Variants in JARID2 observed in about 807,000 individuals in gnomAD.
The protein encoded by JARID2 is protein Jumonji.
In JARID2, 21 loss-of-function variants were observed where a neutral mutation model predicts 125.6. The ratio of observed to expected loss-of-function variants is 0.17; its 90% CI spans 0.12 to 0.24. The LOEUF is 0.24. Among genes scored for constraint, JARID2 ranks in the 10% least tolerant of loss-of-function variants. The pLI, the probability that JARID2 is intolerant of heterozygous loss-of-function variation, is 1.00. For synonymous variants in JARID2, 736 were observed against 661.6 expected, an observed-to-expected ratio of 1.11 and a Z score of -1.73; for missense variants, 1,303 against 1,639.6, an observed-to-expected ratio of 0.79 and a Z score of 3.55.
At chr6:15,269,579 T>C (rs1760220014) in intron 1 of JARID2, among the ~76,000 whole-genome samples, 1 of 151,026 alleles carries the variant, frequency 6.6e-6, no homozygotes, top group African/African-American at 2.4e-5. Context: ...AAAATTTTTT[T>C]TTTTTTTTTT....
chr6:15,324,102 C>T (rs140550620), intron 1 of JARID2, among the ~76,000 whole-genome samples: 5,212 of 150,048 alleles, frequency 0.035, 130 homozygotes, highest in South Asian at 0.12. Flanking sequence ...TGGCATGAAC[C>T]GGGGAGGCAG....
rs1766935249 is a variant in JARID2 at position 15,430,772 on chromosome 6, G to T, written c.323+20407G>T. Reference sequence around the variant, plus strand: ...CTTAAGCTTCTGCTAACTCTTGGGGGAATGAATGGTCTGTAGGGGCTGCTT... The same window carrying T: ...CTTAAGCTTCTGCTAACTCTTGGGGTAATGAATGGTCTGTAGGGGCTGCTT... On this transcript the variant is annotated intron_variant, in intron 3 of 17. Transcript: ENST00000341776. Among the ~76,000 whole-genome samples, 4 of 152,136 alleles carry T rather than the reference G, an allele frequency of 2.6e-5. No individual in the cohort carries two copies. In the South Asian group the frequency reaches 8.3e-4, roughly 31 times the overall value.
chr6:15,487,649 G>A (rs908833305), intron 6 of JARID2, 107 bp downstream of exon 6: 12 of 1,002,812 alleles, frequency 1.2e-5, no homozygotes, highest in Admixed American at 8.6e-5. Context: ...AGGAGGTGAT[G>A]CCCAGAAGCA....
intron 1 of JARID2, among the ~76,000 whole-genome samples, chr6:15,364,341 GC>G (rs752718424): frequency 1.3e-5 from 2 of 152,214 alleles, no homozygotes; most frequent in Non-Finnish European, 2.9e-5. Flanking sequence ...TTGGAGACTG[GC>G]TGGTGGATAG....
At chr6:15,281,832 T>G (rs1211260228) in intron 1 of JARID2, among the ~76,000 whole-genome samples, 4 of 152,334 alleles carry the variant, frequency 2.6e-5, no homozygotes, top group Non-Finnish European at 5.9e-5. Flanking sequence ...CTGTTTTGTT[T>G]GCTTTAAAAC....
At chr6:15,473,247 G>C (rs1769162146) in intron 5 of JARID2, among the ~76,000 whole-genome samples, 1 of 152,226 alleles carries the variant, frequency 6.6e-6, no homozygotes, top group East Asian at 1.9e-4. Context: ...ATTAACTTCT[G>C]TATAAATGAG....
chr6:15,361,214 T>C (rs532819038), intron 1 of JARID2, among the ~76,000 whole-genome samples: 4 of 152,204 alleles, frequency 2.6e-5, no homozygotes, highest in Non-Finnish European at 5.9e-5. Context: ...TGTTCCAGAA[T>C]TTAACCAGTT....
intron 1 of JARID2, among the ~76,000 whole-genome samples, chr6:15,325,272 A>C (rs1762500234): frequency 1.3e-5 from 2 of 152,136 alleles, no homozygotes; most frequent in African/African-American, 4.8e-5. Context: ...ATTTGTGGCT[A>C]CCTGTGTGTG....
At chr6:15,271,559 C>G (rs554310194) in intron 1 of JARID2, among the ~76,000 whole-genome samples, 2 of 152,342 alleles carry the variant, frequency 1.3e-5, no homozygotes, top group East Asian at 3.9e-4. Flanking sequence ...CCTGTAATCT[C>G]ATCACTTTGG....
chr6:15,277,725 AAC>A (rs774451340), intron 1 of JARID2, among the ~76,000 whole-genome samples: 58 of 152,078 alleles, frequency 3.8e-4, no homozygotes, highest in Non-Finnish European at 8.8e-5. Context: ...TATGAAAGAC[AAC>A]AGAGAACAGC....
chr6:15,329,903 A>T (rs972170167), intron 1 of JARID2, among the ~76,000 whole-genome samples: 1 of 152,190 alleles, frequency 6.6e-6, no homozygotes, highest in African/African-American at 2.4e-5. Context: ...CATATCTCAT[A>T]TATTTCTTTA....
intron 5 of JARID2, among the ~76,000 whole-genome samples, chr6:15,483,401 A>G (rs201698566): frequency 7.7e-6 from 1 of 130,120 alleles, no homozygotes; most frequent in Non-Finnish European, 1.7e-5. Flanking sequence ...TTTTTTTTTT[A>G]ACTGCTACTA....
chr6:15,450,258 C>G (rs937673543), intron 3 of JARID2, among the ~76,000 whole-genome samples: 1 of 152,132 alleles, frequency 6.6e-6, no homozygotes, highest in East Asian at 1.9e-4. Flanking sequence ...CAATCTTCAC[C>G]TCCCGGGTTC....
At position 15,492,991 on chromosome 6, in the gene JARID2, G is replaced by C. The variant is rs372654702; in HGVS notation, c.907-3141G>C. On this transcript the variant is annotated intron_variant, in intron 6 of 17. Transcript: ENST00000341776. ...TACCTTGCCAATAATTCAGTATTTA[G>C]GTTTTCAGAAAGATGTAAACAAGGT... Among the ~76,000 whole-genome samples the C allele has an allele frequency of 1.6e-4, 24 of 152,188 alleles. 1 individual carries two copies. Among genetic ancestry groups the C allele is most frequent in the African/African-American group, 5.8e-4 (24 of 41,520 alleles).
At chr6:15,484,743 T>C (rs1221753181) in intron 5 of JARID2, among the ~76,000 whole-genome samples, 2 of 152,144 alleles carry the variant, frequency 1.3e-5, no homozygotes, top group East Asian at 1.9e-4. Flanking sequence ...TTTTGTTAAG[T>C]GAATAAAGAG....
Position 15,246,565 on chromosome 6 carries a change from A to C in JARID2, c.26A>C (p.Asn9Thr), listed in dbSNP as rs142735464. 25 of 1,613,506 alleles carry C rather than the reference A, an allele frequency of 1.5e-5. No homozygotes were observed. Among genetic ancestry groups the C allele is most frequent in the Admixed American group, 6.7e-5 (4 of 60,010 alleles). Residue 9 changes from asparagine (N) to threonine (T), a missense_variant, in exon 1 of 18, where the codon AAT (asparagine) becomes ACT (threonine). This residue lies in a region of JARID2 where 93 missense variants were observed against 120.4 expected (regional missense o/e 0.77). Transcript: ENST00000341776. ...ATGAGCAAGGAAAGACCCAAGAGGA[A>C]TATCATTCAGAAGAAATACGTAAGT... MSKERPKR[N>T]IIQKKYDDSD... is the part of the protein sequence containing the mutation.
At position 15,513,294 on chromosome 6, in the gene JARID2, G is replaced by A. The variant is rs753217768; in HGVS notation, c.3322G>A (p.Ala1108Thr). The change falls in exon 16 of 18, where the codon GCA (alanine) becomes ACA (threonine). Residue 1108 changes from alanine to threonine, a missense_variant. Physicochemically the swap from Ala to Thr is moderately conservative, Grantham distance 58. Around this residue, in one of 11 missense-constraint regions of JARID2, gnomAD observed 190 missense variants for 341.4 expected, o/e 0.56. Transcript: ENST00000341776. ...QLFEAGLHSS[A>T]RYGSHDGSST... is the part of the protein sequence containing the mutation. The stretch of plus-strand genomic sequence containing the variant: ...GTTCGAGGCTGGCCTCCACTCCTCC[G>A]CACGCTATGGCAGCCACGATGGCAG... 13 of 1,598,384 alleles carry A rather than the reference G, an allele frequency of 8.1e-6. No homozygotes were observed. The highest frequency in any genetic ancestry group is 1.1e-5 in the South Asian group (1 of 89,030).
At chr6:15,476,585 A>AT (rs2127696135) in intron 5 of JARID2, among the ~76,000 whole-genome samples, 1 of 152,382 alleles carries the variant, frequency 6.6e-6, no homozygotes, top group African/African-American at 2.4e-5. Context: ...AAATGGATTT[A>AT]TTAAAATATA....
chr6:15,471,541 T>C (rs547109582), intron 5 of JARID2, among the ~76,000 whole-genome samples: 59 of 152,308 alleles, frequency 3.9e-4, no homozygotes, highest in African/African-American at 1.3e-3. Flanking sequence ...TTATGCTGAT[T>C]GGGCAGGTGA....
Sources: allele counts gnomAD v4.1 joint callset (sites outside exome capture counted in the v4.1 genomes callset), GRCh38; gene constraint gnomAD v4.1.1; regional missense constraint gnomAD v4.1.1; transcripts MANE v1.5; gene names NCBI Gene and HGNC (gene_info 2026-07-23, HGNC 2026-07-21).